The following SMAP1 variants were observed in gnomAD, a reference collection of about 807,000 sequenced individuals.
SMAP1 encodes the protein stromal membrane-associated protein 1.
In SMAP1, 24 loss-of-function variants were observed where a neutral mutation model predicts 58.5. The observed-to-expected ratio is 0.41, with a 90% CI of 0.30 to 0.58. The LOEUF is 0.58. Ranked by LOEUF, SMAP1 falls within the 20% of genes least tolerant of loss-of-function variation. SMAP1 has a pLI of 0.29. For synonymous variants in SMAP1, 216 were observed against 196.6 expected (o/e 1.10, Z -0.82); for missense variants, 563 against 566.3 (o/e 0.99, Z 0.06).
At chr6:70,748,110 A>G (rs1256653540) in intron 2 of SMAP1, among the ~76,000 whole-genome samples, 2 of 152,062 alleles carry the variant, frequency 1.3e-5, no homozygotes, top group East Asian at 3.9e-4. Context: ...AGATCTTGAA[A>G]CCAGTCCTGA....
At position 70,667,899 on chromosome 6, in the gene SMAP1, C is replaced by A; in HGVS notation, c.-125C>A. The A allele has an allele frequency of 5.6e-6, 4 of 710,528 alleles. No homozygotes were observed. The highest frequency in any genetic ancestry group is 2.2e-6 in the Non-Finnish European group (1 of 462,728). 44.0% of individuals were successfully genotyped at this position (710,528 alleles called of 1,614,324 possible). The stretch of plus-strand genomic sequence containing the variant: ...CCGCCCCTCCTCCCGTTCCAGCTGC[C>A]GCTGCCGCTTCCTGGGCTGAGTCCG... On this transcript the variant is annotated 5_prime_UTR_variant, in exon 1 of 11. Coordinates refer to ENST00000370455, the MANE Select transcript of SMAP1 (RefSeq NM_001044305.3).
intron 1 of SMAP1, among the ~76,000 whole-genome samples, chr6:70,677,429 CTTCTTTT>C (rs1766527495): frequency 3.7e-5 from 4 of 109,492 alleles, no homozygotes. Context: ...TACCTTGTCA[CTTCTTTT>C]TTTTTTTTTT....
chr6:70,792,672 CAT>C (rs1474167666), intron 5 of SMAP1, among the ~76,000 whole-genome samples: 3 of 151,992 alleles, frequency 2.0e-5, no homozygotes, highest in Non-Finnish European at 2.9e-5. Flanking sequence ...TGTGAAAAAA[CAT>C]ATGGGCAAAG....
At chr6:70,837,168 T>C (rs1770623862) in intron 7 of SMAP1, 140 bp downstream of exon 7, 3 of 539,890 alleles carry the variant, frequency 5.6e-6, no homozygotes, top group Admixed American at 4.0e-5. Flanking sequence ...ATTAGTTTGC[T>C]AACTTCCCAC....
chr6:70,833,597 G>T (rs1252814142), intron 6 of SMAP1, among the ~76,000 whole-genome samples: 4 of 152,268 alleles, frequency 2.6e-5, no homozygotes, highest in Admixed American at 6.5e-5. Flanking sequence ...TCTGACCATT[G>T]TAGGAGCAAA....
At chr6:70,759,066 C>T (rs1031213443) in intron 3 of SMAP1, among the ~76,000 whole-genome samples, 2 of 151,994 alleles carry the variant, frequency 1.3e-5, no homozygotes, top group Non-Finnish European at 2.9e-5. Context: ...GCTGGGTCAG[C>T]TTATGTTTAC....
intron 4 of SMAP1, among the ~76,000 whole-genome samples, chr6:70,791,073 A>C (rs1006774414): frequency 1.3e-5 from 2 of 152,206 alleles, no homozygotes; most frequent in Non-Finnish European, 2.9e-5. Context: ...CAAGTATAGC[A>C]CTGGAAATGG....
At chr6:70,791,591 C>A in intron 4 of SMAP1, 98 bp from the exon 5 acceptor site, 2 of 966,884 alleles carry the variant, frequency 2.1e-6, no homozygotes, top group Non-Finnish European at 3.1e-6. Context: ...GCTTCTATAT[C>A]TCAAAAATAT....
intron 4 of SMAP1, among the ~76,000 whole-genome samples, chr6:70,782,918 C>T (rs1469149144): frequency 6.6e-5 from 10 of 152,070 alleles, no homozygotes; most frequent in Non-Finnish European, 4.4e-5. Context: ...GCATTTCCAT[C>T]TGAGCTTTGA....
intron 4 of SMAP1, among the ~76,000 whole-genome samples, chr6:70,776,472 C>A (rs562975503): frequency 6.6e-6 from 1 of 152,316 alleles, no homozygotes; most frequent in South Asian, 2.1e-4. Flanking sequence ...AGCCACCACA[C>A]CCTGCTGACA....
At chr6:70,735,838 A>G (rs1201813166) in intron 2 of SMAP1, among the ~76,000 whole-genome samples, 3 of 152,254 alleles carry the variant, frequency 2.0e-5, no homozygotes, top group African/African-American at 7.2e-5. Flanking sequence ...ATAGTTACAT[A>G]GTTATACCCT....
At chr6:70,851,321 ACT>A (rs1356248995) in intron 7 of SMAP1, among the ~76,000 whole-genome samples, 1 of 152,102 alleles carries the variant, frequency 6.6e-6, no homozygotes, top group Non-Finnish European at 1.5e-5. Flanking sequence ...AAAGACAAGA[ACT>A]CTCTAAGTTT....
chr6:70,783,993 A>T (rs1482521716), intron 4 of SMAP1, among the ~76,000 whole-genome samples: 1 of 152,190 alleles, frequency 6.6e-6, no homozygotes, highest in African/African-American at 2.4e-5. Context: ...TCCAAGACAC[A>T]TAATTGTCAG....
chr6:70,726,582 C>A (rs1415304181), intron 1 of SMAP1, among the ~76,000 whole-genome samples: 2 of 152,110 alleles, frequency 1.3e-5, no homozygotes, highest in African/African-American at 4.8e-5. Context: ...GAAAGCTTTT[C>A]TGTTTTGCTA....
intron 6 of SMAP1, among the ~76,000 whole-genome samples, chr6:70,814,963 G>T (rs2149974637): frequency 6.6e-6 from 1 of 152,218 alleles, no homozygotes; most frequent in Middle Eastern, 3.4e-3. Flanking sequence ...AAATGAATAG[G>T]CAAAGGATGG....
intron 6 of SMAP1, among the ~76,000 whole-genome samples, chr6:70,816,809 A>T (rs1239842293): frequency 6.6e-6 from 1 of 152,162 alleles, no homozygotes; most frequent in Non-Finnish European, 1.5e-5. Context: ...CCAACTCTGT[A>T]TTTTATCTCC....
intron 6 of SMAP1, among the ~76,000 whole-genome samples, chr6:70,822,792 T>A (rs1348853814): frequency 6.6e-6 from 1 of 152,166 alleles, no homozygotes; most frequent in Admixed American, 6.5e-5. Flanking sequence ...GTTACACTTT[T>A]TTAGTTGTCC....
At chr6:70,853,602 A>G (rs771295897) in intron 8 of SMAP1, among the ~76,000 whole-genome samples, 5 of 152,220 alleles carry the variant, frequency 3.3e-5, no homozygotes, top group Non-Finnish European at 5.9e-5. Context: ...TACCATTAGA[A>G]TGGAACAAGT....
downstream of SMAP1, chr6:70,862,004 G>T: frequency 6.6e-7 from 1 of 1,511,512 alleles, no homozygotes. Context: ...AAAAAAAAAA[G>T]AGACTTTAAA....
Sources: gnomAD v4.1 joint callset for allele counts (sites outside exome capture counted in the v4.1 genomes callset) on GRCh38, gnomAD v4.1.1 for gene constraint, MANE v1.5 for transcripts, NCBI Gene and HGNC (gene_info 2026-07-23, HGNC 2026-07-21) for gene names.